Variants in LRRC74A observed in about 807,000 individuals in gnomAD.
LRRC74A encodes the protein leucine rich repeat containing 74A.
Under a neutral mutation model 57.9 loss-of-function variants are expected in LRRC74A, and 44 were observed. That is an observed-to-expected ratio of 0.76 (90% CI 0.60 to 0.98). The LOEUF is 0.98. LRRC74A is among the 50% of genes least tolerant of loss of function. The pLI is 0.00. For missense variants in LRRC74A, 572 were observed against 574.0 expected (o/e 1.00, Z 0.04); for synonymous variants, 211 against 219.4 (o/e 0.96, Z 0.34).
chr14:76,844,214 GCTGGTCTCAAACTC>G (rs1896966414), intron 5 of LRRC74A, among the ~76,000 whole-genome samples, 195 bp from the exon 6 acceptor site: 1 of 152,132 alleles, frequency 6.6e-6, no homozygotes, highest in African/African-American at 2.4e-5. Flanking sequence ...TGTTGCCCAG[GCTGGTCTCAAACTC>G]CTGGGCTCAA....
chr14:76,833,301 T>A (rs898718264), intron 3 of LRRC74A, among the ~76,000 whole-genome samples: 1 of 152,170 alleles, frequency 6.6e-6, no homozygotes, highest in Non-Finnish European at 1.5e-5. Context: ...TGAAATACAC[T>A]GTCATTGTTG....
intron 1 of LRRC74A, among the ~76,000 whole-genome samples, chr14:76,827,082 C>T (rs1895628089): frequency 6.6e-6 from 1 of 151,952 alleles, no homozygotes; most frequent in South Asian, 2.1e-4. Flanking sequence ...TGTTTTTTTT[C>T]CTGGAGAATC....
Position 76,853,234 on chromosome 14 carries a change from A to C in LRRC74A, c.781A>C (p.Lys261Gln). 6.2e-7 allele frequency: 1 copy of C among 1,612,962 alleles called. No homozygotes were observed. Among genetic ancestry groups the C allele is most frequent in the Non-Finnish European group, 8.5e-7 (1 of 1,179,070 alleles). Reference protein sequence around the residue: ...NGLRGNVTLTKLDLSMNGFGN... With the variant: ...NGLRGNVTLTQLDLSMNGFGN... Reference sequence around the variant, plus strand: ...CCTGGAGGGTAATGTGACCCTGACAAAGCTGGATCTCTCCATGAATGGCTT... The same window carrying C: ...CCTGGAGGGTAATGTGACCCTGACACAGCTGGATCTCTCCATGAATGGCTT... Residue 261 changes from lysine to glutamine, a missense_variant, in exon 9 of 14, where the codon AAG (lysine) becomes CAG (glutamine). Lys to Gln is a moderately conservative substitution (Grantham distance 53, BLOSUM62 1). Coordinates refer to ENST00000689127, the MANE Select transcript of LRRC74A (RefSeq NM_001385106.1).
In LRRC74A at chr14:76,832,137, CAG is replaced by C. The variant is rs531592712; in HGVS notation, c.339+766_339+767del. On this transcript the variant is annotated intron_variant, in intron 3 of 13. Transcript: ENST00000689127. Reference sequence around the variant, plus strand: ...TTAAATTATCCATGGAAAGAATGAACAGAGAAAAATAAAGAGGACTTACAGGA... The same window carrying C: ...TTAAATTATCCATGGAAAGAATGAACAGAAAAATAAAGAGGACTTACAGGA... 2.2e-3 allele frequency among the ~76,000 whole-genome samples: 334 copies of C among 152,190 alleles called. 4 individuals carry two copies. Among genetic ancestry groups the C allele is most frequent in the African/African-American group, 7.8e-3 (326 of 41,530 alleles).
At chr14:76,850,020 A>G (rs1402434514) in intron 7 of LRRC74A, among the ~76,000 whole-genome samples, 2 of 151,916 alleles carry the variant, frequency 1.3e-5, no homozygotes, top group Non-Finnish European at 2.9e-5. Context: ...CATCCTGGCT[A>G]ACACGGTGAA....
chr14:76,837,668 G>A lies in LRRC74A; in HGVS notation c.448-207G>A, dbSNP rs189050523. Among the ~76,000 whole-genome samples the A allele has an allele frequency of 1.2e-3, 181 of 152,102 alleles. 1 individual carries two copies. The highest frequency in any genetic ancestry group is 3.5e-3 in the Admixed American group (54 of 15,272). The stretch of plus-strand genomic sequence containing the variant: ...GACCAGCTAGCCCACGGGTCCCACC[G>A]GGAGGCCCTGGAAAAGCTGGCTCTA... On this transcript the variant is annotated intron_variant, in intron 4 of 13. Coordinates refer to ENST00000689127, the MANE Select transcript of LRRC74A (RefSeq NM_001385106.1).
chr14:76,860,365 CTTTG>C (rs1490349730), intron 10 of LRRC74A, among the ~76,000 whole-genome samples: 13 of 152,148 alleles, frequency 8.5e-5, no homozygotes, highest in Non-Finnish European at 1.5e-4. Context: ...CATTTCAGGG[CTTTG>C]TTTAAGGACT....
intron 11 of LRRC74A, among the ~76,000 whole-genome samples, chr14:76,863,185 AGTGTGTGTGT>A (rs112669509): frequency 2.1e-5 from 3 of 145,318 alleles, no homozygotes; most frequent in Admixed American, 6.8e-5. Context: ...CATGCATGTG[AGTGTGTGTGT>A]GTGTGTGTGT....
At chr14:76,832,899 A>G (rs557724074) in intron 3 of LRRC74A, among the ~76,000 whole-genome samples, 1 of 152,210 alleles carries the variant, frequency 6.6e-6, no homozygotes, top group South Asian at 2.1e-4. Context: ...GCAGCAAACA[A>G]CTCTGAGGAA....
At chr14:76,864,983 G>A (rs2140312586) in intron 11 of LRRC74A, among the ~76,000 whole-genome samples, 1 of 152,358 alleles carries the variant, frequency 6.6e-6, no homozygotes, top group South Asian at 2.1e-4. Context: ...ATGTTATACA[G>A]ATAGATAGAA....
chr14:76,828,414 T>C lies in LRRC74A; in HGVS notation c.161T>C (p.Ile54Thr). 1 of 1,613,950 alleles carries C rather than the reference T, an allele frequency of 6.2e-7. No individual in the cohort carries two copies. Among genetic ancestry groups the C allele is most frequent in the East Asian group, 2.2e-5 (1 of 44,870 alleles). The change falls in exon 2 of 14, where the codon ATT becomes ACT. Residue 54 changes from isoleucine to threonine, a missense_variant. Physicochemically the swap from Ile to Thr is moderately conservative, Grantham distance 89. Transcript: ENST00000689127. ...GAGAATTCGGAAACAGACCTGGAGATTGAAGGCGAGCATGGGCATTTGGGG... is the reference window on the plus strand; with the variant it reads ...GAGAATTCGGAAACAGACCTGGAGACTGAAGGCGAGCATGGGCATTTGGGG... ...ARENSETDLEIEDDEKFFTTG... is the reference protein window; with the variant it reads ...ARENSETDLETEDDEKFFTTG...
In LRRC74A at chr14:76,857,403, G is replaced by A. The variant is rs1358873072; in HGVS notation, c.981G>A (p.Met327Ile). Residue 327 changes from methionine (M) to isoleucine (I), a missense_variant, in exon 10 of 14, where the codon ATG becomes ATA. By Grantham distance (10) the Met-to-Ile change is conservative. Coordinates refer to ENST00000689127, the MANE Select transcript of LRRC74A (RefSeq NM_001385106.1). ...VLKLFLNPIN[M>I]DGAILLILAI... ...AGCTTTTCCTGAATCCCATAAATAT[G>A]GATGGGGCTATTTTACTTATCCTGG... The A allele has an allele frequency of 3.2e-6, 5 of 1,582,168 alleles. No individual in the cohort carries two copies. The highest frequency in any genetic ancestry group is 3.4e-6 in the Non-Finnish European group (4 of 1,162,430).
Position 76,837,980 on chromosome 14 carries a change from A to C in LRRC74A, c.544+9A>C, listed in dbSNP as rs978566148. Reference sequence around the variant, plus strand: ...GAGCCTTGAGCTTTCAGGTGAGCACATGGAAAGGGAGGGAGAAGACACTGG... The same window carrying C: ...GAGCCTTGAGCTTTCAGGTGAGCACCTGGAAAGGGAGGGAGAAGACACTGG... On this transcript the variant is annotated intron_variant, in intron 5 of 13. Transcript: ENST00000689127. The C allele has an allele frequency of 2.0e-6, 3 of 1,522,226 alleles. No homozygotes were observed. The highest frequency in any genetic ancestry group is 1.9e-5 in the Admixed American group (1 of 52,168). 94.3% of individuals were successfully genotyped at this position (1,522,226 alleles called of 1,614,324 possible). A position where few individuals can be genotyped will look rare whatever the true frequency, so the allele number is the denominator to read the frequency against.
rs758866856 is a variant in LRRC74A, at chr14:76,836,266, C to T, written c.399C>T (p.Val133=). ...LEDNCIMEEG[V]LSLVEMLQEN... is the part of the protein sequence containing the mutation. ...ACAATTGCATCATGGAGGAGGGCGT[C>T]TTGAGCCTGGTGGAGATGCTACAAG... Residue 133 remains valine, a synonymous_variant, in exon 4 of 14, where the codon GTC becomes GTT. Coordinates refer to ENST00000689127, the MANE Select transcript of LRRC74A (RefSeq NM_001385106.1). 6.2e-7 allele frequency: 1 copy of T among 1,613,760 alleles called. No homozygotes were observed. Among genetic ancestry groups the T allele is most frequent in the African/African-American group, 1.3e-5 (1 of 74,920 alleles).
intron 7 of LRRC74A, among the ~76,000 whole-genome samples, chr14:76,845,649 A>T (rs1444818074): frequency 2.0e-5 from 3 of 152,244 alleles, no homozygotes; most frequent in South Asian, 2.1e-4. Context: ...TAAAAGTTTT[A>T]AAAATTCCCA....
chr14:76,829,508 C>T (rs1895822400), intron 2 of LRRC74A, among the ~76,000 whole-genome samples: 1 of 152,194 alleles, frequency 6.6e-6, no homozygotes, highest in Non-Finnish European at 1.5e-5. Flanking sequence ...CAAAGGACAA[C>T]ACTGGATGTT....
At chr14:76,864,840 C>G (rs146243728) in intron 11 of LRRC74A, among the ~76,000 whole-genome samples, 1 of 151,686 alleles carries the variant, frequency 6.6e-6, no homozygotes, top group Non-Finnish European at 1.5e-5. Context: ...GGCGACAGAG[C>G]GAGACTCTGT....
chr14:76,848,581 A>T (rs1448098248), intron 7 of LRRC74A, among the ~76,000 whole-genome samples: 4 of 152,204 alleles, frequency 2.6e-5, no homozygotes, highest in Admixed American at 2.0e-4. Context: ...AAAAAGAAAA[A>T]GAAAATAGGA....
chr14:76,865,746 C>G (rs557024910), intron 11 of LRRC74A, among the ~76,000 whole-genome samples: 1 of 152,372 alleles, frequency 6.6e-6, no homozygotes, highest in South Asian at 2.1e-4. Flanking sequence ...CAGGAATCAT[C>G]CCGGCATGCA....
Sources: gnomAD v4.1 joint callset for allele counts (sites outside exome capture counted in the v4.1 genomes callset) on GRCh38, gnomAD v4.1.1 for gene constraint, MANE v1.5 for transcripts, NCBI Gene and HGNC (gene_info 2026-07-23, HGNC 2026-07-21) for gene names.